The following SGPP2 variants were observed in gnomAD, a reference collection of about 807,000 sequenced individuals.
The protein encoded by SGPP2 is sphingosine-1-phosphate phosphatase 2, also known as sphingosine 1-phosphate phosphohydrolase 2.
Under a neutral mutation model 33.9 loss-of-function variants are expected in SGPP2, and 30 were observed. The observed-to-expected ratio is 0.89, with a 90% CI of 0.66 to 1.20. The LOEUF (loss-of-function observed/expected upper bound fraction) is 1.20, where lower values mean the gene tolerates loss of function less well. Among genes scored for constraint, SGPP2 ranks in the 50% most tolerant of loss-of-function variants. The probability of loss-of-function intolerance (pLI) is 0.00; values close to 1 mark genes in which losing one functional copy is unlikely to be tolerated. For synonymous variants in SGPP2, 233 were observed against 225.0 expected (o/e 1.04, Z -0.32); for missense variants, 458 against 532.1 (o/e 0.86, Z 1.37).
At chr2:222,505,652 G>A (rs1698432495) in intron 2 of SGPP2, among the ~76,000 whole-genome samples, 2 of 151,952 alleles carry the variant, frequency 1.3e-5, no homozygotes, top group Admixed American at 1.3e-4. Flanking sequence ...ATAAAAATTA[G>A]GCCGGGCCTG....
intron 3 of SGPP2, 29 bp downstream of exon 3, chr2:222,521,975 C>A (rs374306415): frequency 6.8e-7 from 1 of 1,476,592 alleles, no homozygotes; most frequent in South Asian, 1.5e-5. Flanking sequence ...TCTTCCTACC[C>A]ACCTACTGAG....
In SGPP2 at chr2:222,552,353, C is replaced by T. The variant is rs186448172; in HGVS notation, c.649-5994C>T. ...CAGTGTAGAAGTGTTTCCTGTTCACCGAATCCAAGCCAACATGTATTATTT... is the reference window on the plus strand; with the variant it reads ...CAGTGTAGAAGTGTTTCCTGTTCACTGAATCCAAGCCAACATGTATTATTT... On this transcript the variant is annotated intron_variant, in intron 4 of 4. Coordinates refer to ENST00000321276, the MANE Select transcript of SGPP2 (RefSeq NM_152386.4). 1.3e-4 allele frequency among the ~76,000 whole-genome samples: 20 copies of T among 152,110 alleles called. 1 individual carries two copies. The highest frequency in any genetic ancestry group is 8.5e-4 in the Admixed American group (13 of 15,264).
In SGPP2 at chr2:222,561,534, TTATATA is replaced by T. The variant is rs34056381; in HGVS notation, c.*2648_*2653del. ...ATATATATGATATATATATATCATT[TTATATA>T]TATATATATATCATATACATAATTT... On this transcript the variant is annotated 3_prime_UTR_variant, in exon 5 of 5. Coordinates refer to ENST00000321276, the MANE Select transcript of SGPP2 (RefSeq NM_152386.4). 1.4e-5 allele frequency among the ~76,000 whole-genome samples: 2 copies of T among 145,892 alleles called. No homozygotes were observed. Among genetic ancestry groups the T allele is most frequent in the African/African-American group, 5.0e-5 (2 of 39,720 alleles).
intron 2 of SGPP2, among the ~76,000 whole-genome samples, chr2:222,482,274 C>T (rs1389918186): frequency 6.6e-6 from 1 of 152,182 alleles, no homozygotes; most frequent in Non-Finnish European, 1.5e-5. Flanking sequence ...ACCAGAAGCT[C>T]ACAGGAACAA....
At chr2:222,512,280 G>A (rs1035822671) in intron 2 of SGPP2, among the ~76,000 whole-genome samples, 1 of 152,132 alleles carries the variant, frequency 6.6e-6, no homozygotes, top group African/African-American at 2.4e-5. Flanking sequence ...CAAAGTACTG[G>A]GATTACAGGC....
intron 3 of SGPP2, among the ~76,000 whole-genome samples, chr2:222,524,197 C>T (rs1257481404): frequency 6.6e-6 from 1 of 152,312 alleles, no homozygotes; most frequent in East Asian, 1.9e-4. Context: ...CTTCATAGGG[C>T]TATGTGAAGA....
intron 2 of SGPP2, among the ~76,000 whole-genome samples, chr2:222,491,760 A>G (rs536248767): frequency 6.6e-6 from 1 of 152,246 alleles, no homozygotes; most frequent in East Asian, 1.9e-4. Context: ...AGTCCCCCAA[A>G]GTCTTAACTC....
intron 2 of SGPP2, among the ~76,000 whole-genome samples, chr2:222,490,455 G>T (rs1004054133): frequency 2.6e-5 from 4 of 152,132 alleles, no homozygotes; most frequent in African/African-American, 9.7e-5. Flanking sequence ...TTGAGACAGG[G>T]TCTTGCTCTG....
chr2:222,426,209 CAAAAAAAAAA>C (rs59881994), intron 1 of SGPP2, among the ~76,000 whole-genome samples: 3 of 58,798 alleles, frequency 5.1e-5, no homozygotes, highest in African/African-American at 6.4e-5. Context: ...GACTCCGTCT[CAAAAAAAAAA>C]AAAAAAAAAA....
At position 222,452,671 on chromosome 2, in the gene SGPP2, T is replaced by C. The variant is rs1182375643; in HGVS notation, c.220-21897T>C. The C allele has an allele frequency of 1.1e-5, 15 of 1,382,078 alleles. No individual in the cohort carries two copies. In the East Asian group the frequency reaches 3.0e-4, roughly 27 times the overall value. The allele number at this position is 1,382,078 out of a possible 1,614,324, so 85.6% of individuals were successfully genotyped here. A position where few individuals can be genotyped will look rare whatever the true frequency, so the allele number is the denominator to read the frequency against. On this transcript the variant is annotated intron_variant, in intron 1 of 4. Coordinates refer to ENST00000321276, the MANE Select transcript of SGPP2 (RefSeq NM_152386.4). ...CAGGAGTAGTTGCTCCAGGACTGGA[T>C]GTTCAGGCTGTGGTTGCTGCAGCTT...
chr2:222,522,532 T>C (rs1280825758), intron 3 of SGPP2, among the ~76,000 whole-genome samples: 1 of 152,260 alleles, frequency 6.6e-6, no homozygotes, highest in Non-Finnish European at 1.5e-5. Flanking sequence ...ACTTAATATC[T>C]GCTTAAATGC....
Position 222,477,324 on chromosome 2 carries a change from T to A in SGPP2, c.378+2598T>A, listed in dbSNP as rs1697957784. 6.7e-6 allele frequency among the ~76,000 whole-genome samples: 1 copy of A among 148,850 alleles called. No individual in the cohort carries two copies. The highest frequency in any genetic ancestry group is 2.0e-4 in the East Asian group (1 of 5,120). On this transcript the variant is annotated intron_variant, in intron 2 of 4. Coordinates refer to ENST00000321276, the MANE Select transcript of SGPP2 (RefSeq NM_152386.4). The surrounding 1 kb of genome is among the most constrained non-coding windows in gnomAD (Gnocchi z 6.0). ...GTGTATATAGGTGTGAGTATATATG[T>A]GTGTCTATGTGTGTGTGTATAGGTG... is the stretch of plus-strand genomic sequence containing the variant.
intron 4 of SGPP2, among the ~76,000 whole-genome samples, chr2:222,537,011 ACTC>A (rs1166280695): frequency 6.6e-6 from 1 of 152,156 alleles, no homozygotes; most frequent in Non-Finnish European, 1.5e-5. Context: ...AGGCAAATGA[ACTC>A]CTTAGAAAAG....
chr2:222,536,203 C>T (rs913125400), intron 4 of SGPP2, among the ~76,000 whole-genome samples: 10 of 152,180 alleles, frequency 6.6e-5, no homozygotes, highest in African/African-American at 2.4e-4. Context: ...TTTTCCATAG[C>T]TTATAATTGT....
chr2:222,487,726 C>T (rs1698133417), intron 2 of SGPP2, among the ~76,000 whole-genome samples: 1 of 152,184 alleles, frequency 6.6e-6, no homozygotes, highest in Non-Finnish European at 1.5e-5. Context: ...TATCCATCCT[C>T]CTCCTGTCCA....
chr2:222,463,969 A>ATG lies in SGPP2; in HGVS notation c.220-10599_220-10598insTG, dbSNP rs1257305404. Among the ~76,000 whole-genome samples, 88 of 109,452 alleles carry ATG rather than the reference A, an allele frequency of 8.0e-4. 1 individual carries two copies. Among genetic ancestry groups the ATG allele is most frequent in the African/African-American group, 3.8e-3 (86 of 22,338 alleles). 71.8% of individuals were successfully genotyped at this position (109,452 alleles called of 152,430 possible). On this transcript the variant is annotated intron_variant, in intron 1 of 4. Transcript: ENST00000321276. ...AACCCTCCCAAGTTCTGAATCCTGT[A>ATG]CGTGTGTTGGGGTGAGGGGAAATGC...
intron 4 of SGPP2, among the ~76,000 whole-genome samples, chr2:222,537,776 T>C (rs1439395215): frequency 6.6e-6 from 1 of 152,190 alleles, no homozygotes; most frequent in Non-Finnish European, 1.5e-5. Flanking sequence ...TAGTACAACA[T>C]TGGAAATGAT....
intron 1 of SGPP2, among the ~76,000 whole-genome samples, chr2:222,458,295 T>C (rs150077160): frequency 0.011 from 1,690 of 152,028 alleles, 145 homozygotes; most frequent in Admixed American, 0.1. Flanking sequence ...GTTCAAGTGA[T>C]CCTCCTGCCA....
intron 4 of SGPP2, among the ~76,000 whole-genome samples, chr2:222,541,115 C>T (rs934991922): frequency 2.6e-5 from 4 of 152,182 alleles, no homozygotes. Context: ...CCACGTCCGG[C>T]CAGCTTATAA....
Sources: allele counts gnomAD v4.1 joint callset (sites outside exome capture counted in the v4.1 genomes callset), GRCh38; gene constraint gnomAD v4.1.1; non-coding constraint Gnocchi (gnomAD v3.1); transcripts MANE v1.5; gene names NCBI Gene and HGNC (gene_info 2026-07-23, HGNC 2026-07-21).